VMP1: variants seen among roughly 807,000 people sequenced by gnomAD.
The protein encoded by VMP1 is vacuole membrane protein 1.
VMP1 carries 11 observed loss-of-function variants against 56.0 expected under a neutral mutation model. That is an observed-to-expected ratio of 0.20 (90% CI 0.12 to 0.32). The LOEUF (loss-of-function observed/expected upper bound fraction) is 0.32, where lower values mean the gene tolerates loss of function less well. Among genes scored for constraint, VMP1 ranks in the 10% least tolerant of loss-of-function variants. VMP1 has a pLI of 1.00. For missense variants in VMP1, 296 were observed against 490.3 expected (o/e 0.60, Z 3.74); for synonymous variants, 149 against 165.0 (o/e 0.90, Z 0.74).
At chr17:59,739,632 G>T (rs1011288048) in intron 5 of VMP1, among the ~76,000 whole-genome samples, 7 of 150,256 alleles carry the variant, frequency 4.7e-5, no homozygotes, top group Non-Finnish European at 1.0e-4. Flanking sequence ...GCTGAGGCAG[G>T]AGAATGGCCT....
chr17:59,828,741 T>G (rs2038719314), intron 10 of VMP1, among the ~76,000 whole-genome samples: 1 of 152,150 alleles, frequency 6.6e-6, no homozygotes, highest in South Asian at 2.1e-4. Context: ...AGAAACATGA[T>G]TAGGGGGCTA....
At chr17:59,724,686 G>T (rs9900133) in intron 1 of VMP1, among the ~76,000 whole-genome samples, 60,123 of 151,342 alleles carry the variant, frequency 0.4, 12,897 homozygotes, top group African/African-American at 0.55. Flanking sequence ...ATAATAATAG[G>T]CAGGGCACGG....
intron 7 of VMP1, among the ~76,000 whole-genome samples, chr17:59,786,126 G>A (rs1473276050): frequency 6.6e-6 from 1 of 151,962 alleles, no homozygotes; most frequent in Admixed American, 6.6e-5. Context: ...TAGTTGTAAT[G>A]GTAGTTCTCA....
intron 10 of VMP1, among the ~76,000 whole-genome samples, chr17:59,825,913 T>A (rs1219954975): frequency 1.3e-5 from 2 of 152,260 alleles, no homozygotes; most frequent in African/African-American, 4.8e-5. Flanking sequence ...ATGAGCTACG[T>A]GGGCCTGGAC....
intron 7 of VMP1, among the ~76,000 whole-genome samples, chr17:59,792,570 AAT>A (rs2037270861): frequency 6.6e-6 from 1 of 151,982 alleles, no homozygotes; most frequent in African/African-American, 2.4e-5. Context: ...TGATCTAAAT[AAT>A]TATCAGATGA....
At chr17:59,838,575 A>G in intron 11 of VMP1, 178 bp downstream of exon 11, 1 of 617,012 alleles carries the variant, frequency 1.6e-6, no homozygotes, top group South Asian at 1.9e-5. Flanking sequence ...TAGACTAGAA[A>G]GTGTAACTTC....
At chr17:59,767,984 C>G (rs953951732) in intron 6 of VMP1, among the ~76,000 whole-genome samples, 1 of 151,884 alleles carries the variant, frequency 6.6e-6, no homozygotes, top group Non-Finnish European at 1.5e-5. Context: ...GTGGCTCACA[C>G]CTGTATTCTC....
chr17:59,801,779 C>T (rs1466643226), intron 7 of VMP1, among the ~76,000 whole-genome samples: 1 of 151,616 alleles, frequency 6.6e-6, no homozygotes, highest in Non-Finnish European at 1.5e-5. Flanking sequence ...CCTGTAATCC[C>T]AGTTCAGGCA....
chr17:59,763,546 A>G (rs2777879), intron 5 of VMP1, among the ~76,000 whole-genome samples: 7,936 of 152,232 alleles, frequency 0.052, 268 homozygotes, highest in Non-Finnish European at 0.079. Flanking sequence ...TTTTTTAGGT[A>G]TTATTTTAAC....
At position 59,816,305 on chromosome 17, in the gene VMP1, T is replaced by G. The variant is rs371763563; in HGVS notation, c.913-1407T>G. Among the ~76,000 whole-genome samples, 253 of 152,356 alleles carry G rather than the reference T, an allele frequency of 1.7e-3. 6 individuals are homozygous for G. In the South Asian group the frequency reaches 0.048, roughly 29 times the overall value. ...GGCAAGAACTACTAGCTCTGTTGAT[T>G]AATAAAAGATTTATAGCTCTAAATA... On this transcript the variant is annotated intron_variant, in intron 9 of 11. Coordinates refer to ENST00000262291, the MANE Select transcript of VMP1 (RefSeq NM_030938.5).
In VMP1 at chr17:59,739,903, G is replaced by A. The variant is rs1224888399; in HGVS notation, c.414+956G>A. 3.3e-5 allele frequency among the ~76,000 whole-genome samples: 5 copies of A among 150,938 alleles called. No individual in the cohort carries two copies. In the East Asian group the frequency reaches 5.8e-4, roughly 18 times the overall value. On this transcript the variant is annotated intron_variant, in intron 5 of 11. Coordinates refer to ENST00000262291, the MANE Select transcript of VMP1 (RefSeq NM_030938.5). ...ATCCTGGCTAACATGGTGAAACCCC[G>A]TCTCTACTAAATATACAAAAAAAAT...
Position 59,735,412 on chromosome 17 carries a change from C to T in VMP1, c.151C>T (p.Leu51Phe). 1 of 1,614,148 alleles carries T rather than the reference C, an allele frequency of 6.2e-7. No individual in the cohort carries two copies. The change falls in exon 3 of 12, where the codon CTC (leucine) becomes TTC (phenylalanine). Residue 51 changes from leucine (L) to phenylalanine (F), a missense_variant. Leu to Phe is a conservative substitution (Grantham distance 22). Around this residue, in one of 4 missense-constraint regions of VMP1, gnomAD observed 69 missense variants for 76.6 expected, o/e 0.90. Coordinates refer to ENST00000262291, the MANE Select transcript of VMP1 (RefSeq NM_030938.5). ...GAATATTGTCCTGTGGAGACAGCCGCTCATTACCTTGCAGTATTTTTCTCT... is the reference window on the plus strand; with the variant it reads ...GAATATTGTCCTGTGGAGACAGCCGTTCATTACCTTGCAGTATTTTTCTCT... The part of the protein sequence containing the change: ...RQNIVLWRQP[L>F]ITLQYFSLEI...
intron 7 of VMP1, among the ~76,000 whole-genome samples, chr17:59,788,419 G>T (rs551283113): frequency 6.6e-6 from 1 of 150,824 alleles, no homozygotes; most frequent in South Asian, 2.1e-4. Flanking sequence ...CCCGGGAGGC[G>T]TACATTTTAG....
intron 1 of VMP1, among the ~76,000 whole-genome samples, chr17:59,729,492 A>AG (rs1258146904): frequency 6.6e-6 from 1 of 151,694 alleles, no homozygotes; most frequent in African/African-American, 2.4e-5. Context: ...AAAAAAAAAA[A>AG]AAAAACCTTT....
chr17:59,766,002 A>G (rs2036219758), intron 6 of VMP1, among the ~76,000 whole-genome samples: 1 of 151,768 alleles, frequency 6.6e-6, no homozygotes, highest in Non-Finnish European at 1.5e-5. Flanking sequence ...TACTTTTTTT[A>G]ATTTAAAATT....
At chr17:59,717,574 G>T (rs1221626553) in intron 1 of VMP1, among the ~76,000 whole-genome samples, 1 of 151,726 alleles carries the variant, frequency 6.6e-6, no homozygotes, top group African/African-American at 2.4e-5. Flanking sequence ...GTACAGACAG[G>T]GTTCCACAGT....
chr17:59,788,436 G>T (rs945467539), intron 7 of VMP1, among the ~76,000 whole-genome samples: 5 of 151,044 alleles, frequency 3.3e-5, no homozygotes. Context: ...TTAGTGAGCC[G>T]AGATCCCACC....
chr17:59,810,814 G>A (rs2038029013), intron 8 of VMP1, among the ~76,000 whole-genome samples: 1 of 152,132 alleles, frequency 6.6e-6, no homozygotes, highest in African/African-American at 2.4e-5. Flanking sequence ...TAAATTAATT[G>A]GCTTATTAAT....
chr17:59,745,419 A>T (rs2035388215), intron 5 of VMP1, among the ~76,000 whole-genome samples: 1 of 152,260 alleles, frequency 6.6e-6, no homozygotes, highest in Non-Finnish European at 1.5e-5. Flanking sequence ...TGGCAATTAT[A>T]GAAAAGAGTA....
Sources: allele counts gnomAD v4.1 joint callset (sites outside exome capture counted in the v4.1 genomes callset), GRCh38; gene constraint gnomAD v4.1.1; regional missense constraint gnomAD v4.1.1; transcripts MANE v1.5; gene names NCBI Gene and HGNC (gene_info 2026-07-23, HGNC 2026-07-21).